TBX20: variants seen among roughly 807,000 people sequenced by gnomAD.
TBX20 encodes the protein T-box transcription factor TBX20.
Under a neutral mutation model 42.9 loss-of-function variants are expected in TBX20, and 8 were observed. The ratio of observed to expected loss-of-function variants is 0.19; its 90% CI spans 0.11 to 0.34. TBX20 has a LOEUF of 0.34. Ranked by LOEUF, TBX20 falls within the 10% of genes least tolerant of loss-of-function variation. TBX20 has a pLI of 1.00. For missense variants in TBX20, 411 were observed against 566.0 expected (o/e 0.73, Z 2.78); for synonymous variants, 198 against 222.8 (o/e 0.89, Z 0.99).
chr7:35,208,135 A>T (rs886162942), intron 6 of TBX20, among the ~76,000 whole-genome samples: 1 of 152,220 alleles, frequency 6.6e-6, no homozygotes, highest in Non-Finnish European at 1.5e-5. Context: ...AGTTTTAAGT[A>T]TATATGTCTT....
In TBX20 at chr7:35,214,740, T is replaced by C. The variant is rs150806881; in HGVS notation, c.891-10158A>G. On this transcript the variant is annotated intron_variant, in intron 6 of 7. Coordinates refer to ENST00000408931, the MANE Select transcript of TBX20 (RefSeq NM_001077653.2). ...CGCTAATAAAACAACAACTATAACA[T>C]ACATTCAAGCTGATGTCCTTTAAGT... Among the ~76,000 whole-genome samples, 428 of 152,296 alleles carry C rather than the reference T, an allele frequency of 2.8e-3. 4 individuals carry two copies. The Middle Eastern group carries it at 0.044, about 16-fold the overall frequency.
rs754188140 is a variant in TBX20, at chr7:35,253,651, G to A, written c.-31C>T. ...CCAGCACGCGGTCCTGGCCAGGGAC[G>A]GGGTCGTCCGAACTGCCGTCCAGAT... On this transcript the variant is annotated 5_prime_UTR_variant, in exon 1 of 8. Transcript: ENST00000408931. The A allele has an allele frequency of 1.2e-6, 2 of 1,603,612 alleles. No individual in the cohort carries two copies. Among genetic ancestry groups the A allele is most frequent in the East Asian group, 2.2e-5 (1 of 44,766 alleles).
At chr7:35,203,155 A>T (rs1789336578) in intron 7 of TBX20, among the ~76,000 whole-genome samples, 1 of 152,164 alleles carries the variant, frequency 6.6e-6, no homozygotes, top group South Asian at 2.1e-4. Context: ...AATATCTACC[A>T]AGCTGTCTGG....
intron 6 of TBX20, among the ~76,000 whole-genome samples, chr7:35,229,580 G>T (rs968231287): frequency 2.3e-4 from 35 of 152,114 alleles, no homozygotes; most frequent in African/African-American, 8.5e-4. Flanking sequence ...TCCCACATCA[G>T]GATGCTTATC....
chr7:35,242,023 A>C (rs967490080), intron 4 of TBX20, among the ~76,000 whole-genome samples: 9 of 152,084 alleles, frequency 5.9e-5, no homozygotes, highest in Non-Finnish European at 1.3e-4. Context: ...AGGAGCTAGC[A>C]GAAAGCGGGA....
chr7:35,224,950 T>A (rs931351662), intron 6 of TBX20, among the ~76,000 whole-genome samples: 2 of 151,812 alleles, frequency 1.3e-5, no homozygotes, highest in African/African-American at 4.8e-5. Flanking sequence ...ACTATTATTA[T>A]CCTTCAATGG....
intron 1 of TBX20, among the ~76,000 whole-genome samples, chr7:35,253,134 C>T (rs1562569032): frequency 6.6e-6 from 1 of 152,124 alleles, no homozygotes; most frequent in East Asian, 1.9e-4. Flanking sequence ...GTTTCAAACG[C>T]ACAAGCAGGT....
chr7:35,218,391 G>A (rs1205124976), intron 6 of TBX20, among the ~76,000 whole-genome samples: 1 of 151,982 alleles, frequency 6.6e-6, no homozygotes, highest in African/African-American at 2.4e-5. Context: ...GTGGCACTGG[G>A]CAAGTCACTT....
chr7:35,215,089 C>G (rs530426291), intron 6 of TBX20, among the ~76,000 whole-genome samples: 1 of 152,218 alleles, frequency 6.6e-6, no homozygotes, highest in African/African-American at 2.4e-5. Context: ...AATAATTTCC[C>G]AAGTAACACA....
Position 35,250,509 on chromosome 7 carries a change from A to G in TBX20, c.128-306T>C, listed in dbSNP as rs1313452797. Among the ~76,000 whole-genome samples the G allele has an allele frequency of 1.3e-5, 2 of 152,208 alleles. 1 individual carries two copies. The highest frequency in any genetic ancestry group is 1.3e-4 in the Admixed American group (2 of 15,272). The stretch of plus-strand genomic sequence containing the variant: ...GTGGAAGAAGGGAAGGGTGATGATC[A>G]TGAGGGATGAAAAGCAAATATTCCT... On this transcript the variant is annotated intron_variant, in intron 1 of 7. Transcript: ENST00000408931.
At chr7:35,209,370 G>A (rs1265329637) in intron 6 of TBX20, among the ~76,000 whole-genome samples, 1 of 152,044 alleles carries the variant, frequency 6.6e-6, no homozygotes, top group African/African-American at 2.4e-5. Flanking sequence ...CAGAGTATCT[G>A]TTTTCTCTTG....
At chr7:35,223,873 G>T (rs1198762103) in intron 6 of TBX20, among the ~76,000 whole-genome samples, 1 of 152,208 alleles carries the variant, frequency 6.6e-6, no homozygotes, top group African/African-American at 2.4e-5. Flanking sequence ...ATGGGGTCAA[G>T]AAAGGGTTGT....
chr7:35,251,454 C>G (rs1317228148), intron 1 of TBX20, among the ~76,000 whole-genome samples: 6 of 152,132 alleles, frequency 3.9e-5, no homozygotes, highest in African/African-American at 1.4e-4. Flanking sequence ...AAATTAAATG[C>G]CATCCTGATT....
chr7:35,228,657 C>T (rs1368021481), intron 6 of TBX20, among the ~76,000 whole-genome samples: 2 of 152,016 alleles, frequency 1.3e-5, no homozygotes, highest in Non-Finnish European at 2.9e-5. Context: ...CAAAGTGAAC[C>T]GCATGCCCCC....
chr7:35,244,204 C>G (rs1790136930), intron 4 of TBX20, among the ~76,000 whole-genome samples: 1 of 152,176 alleles, frequency 6.6e-6, no homozygotes, highest in Non-Finnish European at 1.5e-5. Context: ...CTTTATTTAA[C>G]AGCATGAAGT....
chr7:35,220,815 C>A (rs1007707414), intron 6 of TBX20, among the ~76,000 whole-genome samples: 2 of 152,168 alleles, frequency 1.3e-5, no homozygotes, highest in Non-Finnish European at 2.9e-5. Flanking sequence ...AACAGAAGGA[C>A]ACATTTTAAA....
At chr7:35,227,014 A>G (rs1789783592) in intron 6 of TBX20, among the ~76,000 whole-genome samples, 1 of 151,776 alleles carries the variant, frequency 6.6e-6, no homozygotes. Flanking sequence ...GATATTGATT[A>G]TCCTGACCCA....
At chr7:35,244,862 G>T in intron 4 of TBX20, 87 bp downstream of exon 4, 1 of 897,810 alleles carries the variant, frequency 1.1e-6, no homozygotes, top group Admixed American at 1.8e-5. Context: ...GATAGGGAAG[G>T]CAGGAAGGGA....
intron 6 of TBX20, among the ~76,000 whole-genome samples, chr7:35,225,091 A>C (rs556903561): frequency 5.3e-5 from 8 of 152,330 alleles, no homozygotes; most frequent in Non-Finnish European, 1.2e-4. Flanking sequence ...AACACAAGAG[A>C]CTAAAATGAA....
Sources: gnomAD v4.1 joint callset for allele counts (sites outside exome capture counted in the v4.1 genomes callset) on GRCh38, gnomAD v4.1.1 for gene constraint, MANE v1.5 for transcripts, NCBI Gene and HGNC (gene_info 2026-07-23, HGNC 2026-07-21) for gene names.